The following ATF6 variants were observed in gnomAD, a reference collection of about 807,000 sequenced individuals.
ATF6 encodes the protein cyclic AMP-dependent transcription factor ATF-6 alpha.
Under a neutral mutation model 83.6 loss-of-function variants are expected in ATF6, and 53 were observed. The observed-to-expected ratio is 0.63, with a 90% CI of 0.51 to 0.80. ATF6 has a LOEUF of 0.80. Ranked by LOEUF, ATF6 falls within the 30% of genes least tolerant of loss-of-function variation. The pLI, the probability that ATF6 is intolerant of heterozygous loss-of-function variation, is 0.00. For missense variants in ATF6, 744 were observed against 797.9 expected (o/e 0.93, Z 0.81); for synonymous variants, 288 against 285.8 (o/e 1.01, Z -0.08).
At chr1:161,920,355 C>T (rs1279775156) in intron 15 of ATF6, among the ~76,000 whole-genome samples, 6 of 121,786 alleles carry the variant, frequency 4.9e-5, no homozygotes, top group South Asian at 2.9e-4. Context: ...AGTGCAGTGG[C>T]GCGATCTTGG....
intron 15 of ATF6, among the ~76,000 whole-genome samples, chr1:161,947,392 A>G (rs1688768697): frequency 6.6e-6 from 1 of 152,208 alleles, no homozygotes; most frequent in African/African-American, 2.4e-5. Context: ...ACAAGGGTGG[A>G]GGATTTTTGT....
chr1:161,817,172 G>A (rs1685632489), intron 7 of ATF6, among the ~76,000 whole-genome samples: 1 of 152,268 alleles, frequency 6.6e-6, no homozygotes, highest in South Asian at 2.1e-4. Flanking sequence ...TGCTTTTATT[G>A]TTTATAGAAA....
At chr1:161,856,166 T>G (rs1055772411) in intron 12 of ATF6, among the ~76,000 whole-genome samples, 1 of 152,246 alleles carries the variant, frequency 6.6e-6, no homozygotes, top group South Asian at 2.1e-4. Flanking sequence ...GAAACATGGG[T>G]TTTTAACCAT....
intron 9 of ATF6, among the ~76,000 whole-genome samples, chr1:161,822,214 A>AAGGAGAAC (rs1190463136): frequency 6.6e-6 from 1 of 151,870 alleles, no homozygotes; most frequent in Non-Finnish European, 1.5e-5. Context: ...GAGATTATCC[A>AAGGAGAAC]AGGAGAACAA....
rs540243983 is a variant in ATF6, at chr1:161,798,428, A to G, written c.689-3624A>G. Reference sequence around the variant, plus strand: ...GGAATTCAAGACCAACCTGGCCAATATGGTGAAACCCCATCTCTACTAAAA... The same window carrying G: ...GGAATTCAAGACCAACCTGGCCAATGTGGTGAAACCCCATCTCTACTAAAA... On this transcript the variant is annotated intron_variant, in intron 6 of 15. Transcript: ENST00000367942. 1.8e-4 allele frequency among the ~76,000 whole-genome samples: 27 copies of G among 152,316 alleles called. No homozygotes were observed. The South Asian group carries it at 5.4e-3, about 30-fold the overall frequency.
chr1:161,831,802 G>A (rs1317239618), intron 9 of ATF6, among the ~76,000 whole-genome samples: 3 of 133,118 alleles, frequency 2.3e-5, no homozygotes, highest in Non-Finnish European at 4.8e-5. Flanking sequence ...TGGTGGGGTC[G>A]GGGGAGGGGG....
At chr1:161,905,678 C>T (rs146164817) in intron 14 of ATF6, among the ~76,000 whole-genome samples, 1 of 152,266 alleles carries the variant, frequency 6.6e-6, no homozygotes, top group African/African-American at 2.4e-5. Flanking sequence ...CCTGTTGGCA[C>T]TCAACAAATT....
In ATF6 at chr1:161,821,058, C is replaced by T. The variant is rs764451128; in HGVS notation, c.1096-12C>T. ...TTAGTTTAATTGTATTTAATGTGGT[C>T]ATTTCCTTTAGAACCAGAGGCTTAA... On this transcript the variant is annotated splice_polypyrimidine_tract_variant and intron_variant, in intron 8 of 15. Coordinates refer to ENST00000367942, the MANE Select transcript of ATF6 (RefSeq NM_007348.4). 2.0e-5 allele frequency: 31 copies of T among 1,577,182 alleles called. No individual in the cohort carries two copies. In the South Asian group the frequency reaches 3.4e-4, roughly 17 times the overall value.
chr1:161,840,684 A>G (rs1172931611), intron 9 of ATF6, among the ~76,000 whole-genome samples: 4 of 152,200 alleles, frequency 2.6e-5, no homozygotes, highest in African/African-American at 9.6e-5. Flanking sequence ...TAAGGTAACA[A>G]TTCTTATAAT....
At chr1:161,798,340 G>C (rs756821025) in intron 6 of ATF6, among the ~76,000 whole-genome samples, 2 of 152,180 alleles carry the variant, frequency 1.3e-5, no homozygotes, top group African/African-American at 4.8e-5. Flanking sequence ...GAGGCTGGGC[G>C]TGGTGGTTCA....
At chr1:161,798,773 A>G (rs1448570116) in intron 6 of ATF6, among the ~76,000 whole-genome samples, 1 of 152,230 alleles carries the variant, frequency 6.6e-6, no homozygotes, top group Admixed American at 6.5e-5. Flanking sequence ...CAACCCCATT[A>G]AGAAGTGGGC....
At chr1:161,824,686 A>G (rs1310312013) in intron 9 of ATF6, among the ~76,000 whole-genome samples, 4 of 152,246 alleles carry the variant, frequency 2.6e-5, no homozygotes, top group Non-Finnish European at 4.4e-5. Flanking sequence ...TAGGAATTAT[A>G]TATGTTCATA....
chr1:161,904,626 A>AAC (rs141394108), intron 14 of ATF6, among the ~76,000 whole-genome samples: 3,502 of 149,858 alleles, frequency 0.023, 75 homozygotes, highest in African/African-American at 0.056. Context: ...AAAAAAACAA[A>AAC]ACACACACAC....
At chr1:161,936,327 G>T (rs1167615514) in intron 15 of ATF6, among the ~76,000 whole-genome samples, 1 of 151,850 alleles carries the variant, frequency 6.6e-6, no homozygotes, top group East Asian at 1.9e-4. Context: ...ATTTTTGTGG[G>T]TACATAGTAG....
intron 7 of ATF6, among the ~76,000 whole-genome samples, chr1:161,812,294 TG>T (rs1685486789): frequency 6.7e-6 from 1 of 149,430 alleles, no homozygotes; most frequent in East Asian, 1.9e-4. Context: ...ATGCTTTGTG[TG>T]TGTGTGTGTG....
chr1:161,841,381 G>C (rs1686354994), intron 9 of ATF6, among the ~76,000 whole-genome samples: 1 of 152,064 alleles, frequency 6.6e-6, no homozygotes, highest in South Asian at 2.1e-4. Flanking sequence ...TTTTTTAGCT[G>C]AATTGGACAA....
At chr1:161,772,868 T>A (rs1052742046) in intron 1 of ATF6, among the ~76,000 whole-genome samples, 1 of 152,012 alleles carries the variant, frequency 6.6e-6, no homozygotes, top group African/African-American at 2.4e-5. Context: ...AGAATTCCTT[T>A]TAAAAAATGT....
At chr1:161,867,850 T>C (rs1451099261) in intron 14 of ATF6, among the ~76,000 whole-genome samples, 2 of 152,246 alleles carry the variant, frequency 1.3e-5, no homozygotes, top group African/African-American at 4.8e-5. Context: ...TGTCTCTTTC[T>C]CCTCTCTTTC....
intron 14 of ATF6, among the ~76,000 whole-genome samples, chr1:161,872,477 A>C (rs1434933860): frequency 6.6e-6 from 1 of 151,628 alleles, no homozygotes; most frequent in Non-Finnish European, 1.5e-5. Context: ...ATGTTACTCA[A>C]AGTAATAGTG....
Sources: allele counts gnomAD v4.1 joint callset (sites outside exome capture counted in the v4.1 genomes callset), GRCh38; gene constraint gnomAD v4.1.1; transcripts MANE v1.5; gene names NCBI Gene and HGNC (gene_info 2026-07-23, HGNC 2026-07-21).